BTD: variants seen among roughly 807,000 people sequenced by gnomAD.
The protein encoded by BTD is biotinidase.
A neutral mutation model predicts 17.7 loss-of-function variants in BTD; 13 were observed. That is an observed-to-expected ratio of 0.74 (90% CI 0.48 to 1.17). The LOEUF (loss-of-function observed/expected upper bound fraction) is 1.17, where lower values mean the gene tolerates loss of function less well. Among genes scored for constraint, BTD ranks in the 50% most tolerant of loss-of-function variants. The pLI, the probability that BTD is intolerant of heterozygous loss-of-function variation, is 0.00. For missense variants in BTD, 674 were observed against 650.4 expected (o/e 1.04, Z -0.39); for synonymous variants, 240 against 245.2 (o/e 0.98, Z 0.20).
intron 2 of BTD, among the ~76,000 whole-genome samples, chr3:15,638,516 G>T (rs1232268880): frequency 1.3e-5 from 2 of 152,186 alleles, no homozygotes; most frequent in Non-Finnish European, 2.9e-5. Context: ...TGAAATCAAA[G>T]ATATGTACAG....
At chr3:15,666,824 T>G (rs996141344) in intron 3 of BTD, among the ~76,000 whole-genome samples, 1 of 152,254 alleles carries the variant, frequency 6.6e-6, no homozygotes, top group Admixed American at 6.5e-5. Flanking sequence ...CCCTTCTCCA[T>G]CTGTTCAAAT....
rs2065332844 is a variant in BTD at position 15,635,784 on chromosome 3, C to T, written c.249+96C>T. On this transcript the variant is annotated intron_variant, in intron 2 of 3. Transcript: ENST00000643237. This position sits in a 1 kb window ranked among gnomAD's most constrained non-coding sequence, Gnocchi z 4.1. ...TTGGGTAATCCCAGGCTTCCTACCA[C>T]CCTCTGAAAAAGCATCCAGGTAGTT... The T allele has an allele frequency of 6.4e-7, 1 of 1,570,312 alleles. No homozygotes were observed. The highest frequency in any genetic ancestry group is 8.7e-7 in the Non-Finnish European group (1 of 1,146,494).
rs2065814520 is a variant in BTD at position 15,652,124 on chromosome 3, C to CA, written c.*6638dup. 6.6e-6 allele frequency among the ~76,000 whole-genome samples: 1 copy of CA among 152,184 alleles called. No homozygotes were observed. Among genetic ancestry groups the CA allele is most frequent in the South Asian group, 2.1e-4 (1 of 4,834 alleles). On this transcript the variant is annotated 3_prime_UTR_variant, in exon 4 of 4. Transcript: ENST00000643237. ...CTGGCGGATCACAAGGTTAGGAGTT[C>CA]AAGACCAGTCTGGCCAATATGGTGA...
intron 1 of BTD, among the ~76,000 whole-genome samples, chr3:15,621,529 C>A (rs2064951015): frequency 6.6e-6 from 1 of 151,998 alleles, no homozygotes; most frequent in Non-Finnish European, 1.5e-5. Context: ...ACATATAGGC[C>A]TCTTCAGATT....
In BTD at chr3:15,635,325, G is replaced by A. The variant is rs1677793912; in HGVS notation, c.-16-99G>A. 2 of 1,562,026 alleles carry A rather than the reference G, an allele frequency of 1.3e-6. No individual in the cohort carries two copies. Among genetic ancestry groups the A allele is most frequent in the Admixed American group, 1.7e-5 (1 of 59,950 alleles). On this transcript the variant is annotated intron_variant, in intron 1 of 3. Transcript: ENST00000643237. This position sits in a 1 kb window ranked among gnomAD's most constrained non-coding sequence, Gnocchi z 4.1. ...TTTGAGCCGCAGTATCACTGCGAGTGAGTTTAATTGCTGGGATTAATAAAT... is the reference window on the plus strand; with the variant it reads ...TTTGAGCCGCAGTATCACTGCGAGTAAGTTTAATTGCTGGGATTAATAAAT...
At chr3:15,601,736 G>A (rs747166213), upstream of BTD, 1 of 1,578,742 alleles carries the variant, frequency 6.3e-7, no homozygotes, top group African/African-American at 1.3e-5. Flanking sequence ...AGAGGGAGGC[G>A]GGACTAGCAG....
intron 3 of BTD, among the ~76,000 whole-genome samples, chr3:15,665,470 T>C (rs2065969003): frequency 6.6e-6 from 1 of 152,172 alleles, no homozygotes; most frequent in African/African-American, 2.4e-5. Context: ...GCAAGAACTT[T>C]CCAACTCAAA....
In BTD at chr3:15,667,168, A is replaced by G. The variant is rs138182879; in HGVS notation, c.399+25111A>G. 9.2e-5 allele frequency: 14 copies of G among 152,368 alleles called. 1 individual carries two copies. The highest frequency in any genetic ancestry group is 3.4e-4 in the African/African-American group (14 of 41,588). 9.4% of individuals were successfully genotyped at this position (152,368 alleles called of 1,614,324 possible). A position where few individuals can be genotyped will look rare whatever the true frequency, so the allele number is the denominator to read the frequency against. Reference sequence around the variant, plus strand: ...TTTTTTTATTAGAAAAGGAAAAAAAACTTGTCAATTCAATGCTAGACAGTT... The same window carrying G: ...TTTTTTTATTAGAAAAGGAAAAAAAGCTTGTCAATTCAATGCTAGACAGTT... On this transcript the variant is annotated intron_variant, in intron 3 of 3. Transcript: ENST00000672141.
chr3:15,639,796 TG>T (rs1291860245), intron 2 of BTD, among the ~76,000 whole-genome samples: 1 of 152,210 alleles, frequency 6.6e-6, no homozygotes, highest in East Asian at 1.9e-4. Context: ...AGTTTGGCAG[TG>T]TGTGTTAAGA....
At position 15,635,312 on chromosome 3, in the gene BTD, TATCACTGCG is replaced by T; in HGVS notation, c.-16-110_-16-102del. ...ATGAAACAAACTCTTTGAGCCGCAGTATCACTGCGAGTGAGTTTAATTGCTGGGATTAAT... is the reference window on the plus strand; with the variant it reads ...ATGAAACAAACTCTTTGAGCCGCAGTAGTGAGTTTAATTGCTGGGATTAAT... On this transcript the variant is annotated intron_variant, in intron 1 of 3. Transcript: ENST00000643237. The surrounding 1 kb of genome is among the most constrained non-coding windows in gnomAD (Gnocchi z 4.1). The T allele has an allele frequency of 6.7e-7, 1 of 1,498,332 alleles. No homozygotes were observed. The highest frequency in any genetic ancestry group is 9.2e-7 in the Non-Finnish European group (1 of 1,082,942). The allele number at this position is 1,498,332 out of a possible 1,614,324, so 92.8% of individuals were successfully genotyped here.
intron 1 of BTD, among the ~76,000 whole-genome samples, chr3:15,624,221 A>G (rs567629120): frequency 6.6e-6 from 1 of 151,978 alleles, no homozygotes; most frequent in South Asian, 2.1e-4. Flanking sequence ...CGTTTTTGGC[A>G]GTTAACCTGA....
intron 3 of BTD, among the ~76,000 whole-genome samples, chr3:15,692,095 G>A (rs1475210258): frequency 6.8e-6 from 1 of 147,956 alleles, no homozygotes; most frequent in Non-Finnish European, 1.5e-5. Flanking sequence ...AGCTGGGAAT[G>A]CACCACTGCA....
intron 2 of BTD, among the ~76,000 whole-genome samples, chr3:15,637,732 G>A (rs2065389232): frequency 6.6e-6 from 1 of 152,198 alleles, no homozygotes; most frequent in Non-Finnish European, 1.5e-5. Flanking sequence ...TCCAGCACCT[G>A]AAATGTCATC....
chr3:15,667,359 GT>G (rs2125550483), intron 3 of BTD: 2 of 152,302 alleles, frequency 1.3e-5, no homozygotes, highest in African/African-American at 4.8e-5. Context: ...TGAGTGTCTT[GT>G]TAAAGGAGGT....
At chr3:15,670,245 T>A (rs367905561) in intron 3 of BTD, 33 of 1,605,188 alleles carry the variant, frequency 2.1e-5, no homozygotes, top group Non-Finnish European at 2.7e-5. Context: ...AGCTTTACTG[T>A]GAGAACTCCC....
intron 2 of BTD, 34 bp from the exon 3 acceptor site, chr3:15,641,874 A>C: frequency 6.7e-7 from 1 of 1,494,002 alleles, no homozygotes; most frequent in Non-Finnish European, 9.3e-7. Flanking sequence ...CTGCCATCTG[A>C]TAACAGACTA....
rs1201410008 is a variant in BTD, at chr3:15,651,755, G to A, written c.*6267G>A. On this transcript the variant is annotated 3_prime_UTR_variant, in exon 4 of 4. Transcript: ENST00000643237. ...AGGTCACAGAACAGAATGGAGAGGG[G>A]TAGAGTATGCAGGGAAGATAAATGC... Among the ~76,000 whole-genome samples, 5 of 152,208 alleles carry A rather than the reference G, an allele frequency of 3.3e-5. No homozygotes were observed. Among genetic ancestry groups the A allele is most frequent in the Non-Finnish European group, 4.4e-5 (3 of 68,034 alleles).
intron 4 of BTD, among the ~76,000 whole-genome samples, chr3:15,717,922 A>G (rs1423421629): frequency 6.6e-6 from 1 of 152,206 alleles, no homozygotes. Context: ...TAACTTGATC[A>G]AGGTCAGAAA....
intron 1 of BTD, among the ~76,000 whole-genome samples, chr3:15,609,474 G>C (rs1221372653): frequency 2.0e-5 from 3 of 152,158 alleles, no homozygotes; most frequent in Admixed American, 1.3e-4. Flanking sequence ...ATGTGTGAGA[G>C]TTTCTACATA....
Sources: allele counts gnomAD v4.1 joint callset (sites outside exome capture counted in the v4.1 genomes callset), GRCh38; gene constraint gnomAD v4.1.1; non-coding constraint Gnocchi (gnomAD v3.1); transcripts MANE v1.5; gene names NCBI Gene and HGNC (gene_info 2026-07-23, HGNC 2026-07-21).